The following EFL1 variants were observed in gnomAD, a reference collection of about 807,000 sequenced individuals.
EFL1 encodes elongation factor-like GTPase 1.
In EFL1, 76 loss-of-function variants were observed where a neutral mutation model predicts 126.7. That is an observed-to-expected ratio of 0.60 (90% CI 0.50 to 0.73). The LOEUF (loss-of-function observed/expected upper bound fraction) is 0.73. EFL1 is among the 30% of genes least tolerant of loss of function. The pLI is 0.00. For missense variants in EFL1, 1,128 were observed against 1,343.2 expected (o/e 0.84, Z 2.50); for synonymous variants, 410 against 448.4 (o/e 0.91, Z 1.08).
chr15:82,256,522 A>C (rs1038131063), intron 3 of EFL1, among the ~76,000 whole-genome samples: 3 of 152,200 alleles, frequency 2.0e-5, no homozygotes, highest in African/African-American at 7.2e-5. Flanking sequence ...AGAAGTTATA[A>C]CACAATGAGC....
At chr15:82,197,744 A>G (rs1395051734) in intron 15 of EFL1, among the ~76,000 whole-genome samples, 5 of 152,192 alleles carry the variant, frequency 3.3e-5, no homozygotes, top group Non-Finnish European at 7.3e-5. Flanking sequence ...AAAAAGGGCC[A>G]AAATAAATTT....
At position 82,261,209 on chromosome 15, in the gene EFL1, C is replaced by T. The variant is rs559003362; in HGVS notation, c.91+479G>A. ...CTAGTTCTCCCAACCTTAGAGTCTA[C>T]TTTTTTCTCTTGTTTGTCTCATTTT... On this transcript the variant is annotated intron_variant, in intron 2 of 19. Transcript: ENST00000268206. Among the ~76,000 whole-genome samples the T allele has an allele frequency of 3.3e-5, 5 of 151,030 alleles. No individual in the cohort carries two copies. The South Asian group carries it at 1.0e-3, about 32-fold the overall frequency.
At chr15:82,240,350 C>T in intron 6 of EFL1, 68 bp downstream of exon 6, 1 of 1,474,250 alleles carries the variant, frequency 6.8e-7, no homozygotes, top group Non-Finnish European at 9.2e-7. Flanking sequence ...CGGCTCATAC[C>T]CAGCTCAGTA....
Position 82,151,415 on chromosome 15 carries a change from T to C in EFL1, c.2989+50A>G, listed in dbSNP as rs761782383. 3.4e-5 allele frequency: 51 copies of C among 1,511,388 alleles called. No individual in the cohort carries two copies. In the Middle Eastern group the frequency reaches 7.1e-4, roughly 21 times the overall value. The allele number at this position is 1,511,388 out of a possible 1,614,324, so 93.6% of individuals were successfully genotyped here. On this transcript the variant is annotated intron_variant, in intron 18 of 19. Coordinates refer to ENST00000268206, the MANE Select transcript of EFL1 (RefSeq NM_024580.6). ...AAACAAGATTTTGAGTCTAGGAGAC[T>C]TCACTGTTATTCAGGGCATTTCTCA...
chr15:82,138,514 T>C, intron 19 of EFL1, 144 bp downstream of exon 19: 1 of 836,042 alleles, frequency 1.2e-6, no homozygotes. Flanking sequence ...AAAAAGCCAT[T>C]TGCTTTCTCC....
rs564172316 is a variant in EFL1 at position 82,223,454 on chromosome 15, A to G, written c.1292+1711T>C. Among the ~76,000 whole-genome samples the G allele has an allele frequency of 5.9e-5, 9 of 152,316 alleles. No homozygotes were observed. The South Asian group carries it at 1.9e-3, about 32-fold the overall frequency. ...GAATGGATTGCACTATCAGAAATAT[A>G]CTAAAATCAGAAAAGCATATGATGA... On this transcript the variant is annotated intron_variant, in intron 12 of 19. Transcript: ENST00000268206.
At chr15:82,224,972 C>T (rs2074746611) in intron 12 of EFL1, among the ~76,000 whole-genome samples, 193 bp downstream of exon 12, 1 of 152,206 alleles carries the variant, frequency 6.6e-6, no homozygotes, top group Non-Finnish European at 1.5e-5. Flanking sequence ...ATTTCAACAA[C>T]TTTCTCCTAC....
intron 4 of EFL1, among the ~76,000 whole-genome samples, chr15:82,249,850 A>G (rs1349443810): frequency 3.3e-5 from 5 of 152,110 alleles, no homozygotes; most frequent in Non-Finnish European, 7.3e-5. Context: ...GGTTTTCAAC[A>G]CCACTTCTAT....
intron 18 of EFL1, among the ~76,000 whole-genome samples, chr15:82,141,207 C>T (rs1240049750): frequency 1.3e-5 from 2 of 152,114 alleles, no homozygotes; most frequent in Non-Finnish European, 2.9e-5. Context: ...AAAAACAATA[C>T]TTCAAGTATA....
chr15:82,151,635 T>G lies in EFL1; in HGVS notation c.2819A>C (p.Lys940Thr). The change falls in exon 18 of 20, where the codon AAG (lysine) becomes ACG (threonine). Residue 940 changes from lysine (K) to threonine (T), a missense_variant. Around this residue, in one of 6 missense-constraint regions of EFL1, gnomAD observed 561 missense variants for 641.7 expected, o/e 0.87. Coordinates refer to ENST00000268206, the MANE Select transcript of EFL1 (RefSeq NM_024580.6). ...AGATTCTCCTTTCTGTGATGTCCTC[T>G]TCTCAAAGGCCTCAGAGCAGCCATC... ...LQDGCSEAFE[K>T]RTSQKGESPL... The G allele has an allele frequency of 1.9e-6, 3 of 1,614,170 alleles. No homozygotes were observed. The highest frequency in any genetic ancestry group is 2.5e-6 in the Non-Finnish European group (3 of 1,180,028).
At chr15:82,211,618 ACT>A (rs1555429494) in intron 15 of EFL1, among the ~76,000 whole-genome samples, 5 of 146,428 alleles carry the variant, frequency 3.4e-5, no homozygotes, top group African/African-American at 5.0e-5. Flanking sequence ...ACACACACAC[ACT>A]AGACTCTCTG....
chr15:82,168,150 A>C (rs2141246811), intron 15 of EFL1, among the ~76,000 whole-genome samples: 1 of 152,332 alleles, frequency 6.6e-6, no homozygotes, highest in Non-Finnish European at 1.5e-5. Context: ...TGGATACCAA[A>C]GCAGCTCATA....
In EFL1 at chr15:82,214,813, C is replaced by T. The variant is rs759873970; in HGVS notation, c.1654G>A (p.Val552Ile). 1.9e-6 allele frequency: 3 copies of T among 1,587,626 alleles called. No individual in the cohort carries two copies. The highest frequency in any genetic ancestry group is 4.5e-5 in the East Asian group (2 of 44,722). The change falls in exon 15 of 20, where the codon GTC becomes ATC. Residue 552 changes from valine to isoleucine, a missense_variant. Physicochemically the swap from Val to Ile is conservative, Grantham distance 29. Around this residue, in one of 6 missense-constraint regions of EFL1, gnomAD observed 120 missense variants for 142.1 expected, o/e 0.84. Coordinates refer to ENST00000268206, the MANE Select transcript of EFL1 (RefSeq NM_024580.6). Reference protein sequence around the residue: ...FSAPPDGLPQVPHMAYCALEN... With the variant: ...FSAPPDGLPQIPHMAYCALEN... ...AGAGCACAGTATGCCATGTGGGGGA[C>T]TTGGGGGAGGCCATCTGGTGGAGCT...
chr15:82,191,941 CTAAAACACATGTTAACAG>C (rs2074364318), intron 15 of EFL1, among the ~76,000 whole-genome samples: 2 of 152,098 alleles, frequency 1.3e-5, no homozygotes, highest in African/African-American at 4.8e-5. Flanking sequence ...ATCTTAGACT[CTAAAACACATGTTAACAG>C]AGTGAAATTT....
chr15:82,201,471 G>C (rs2074467139), intron 15 of EFL1, among the ~76,000 whole-genome samples: 1 of 152,152 alleles, frequency 6.6e-6, no homozygotes, highest in African/African-American at 2.4e-5. Flanking sequence ...GTGTTCCAGG[G>C]AAGAATCTAC....
intron 15 of EFL1, among the ~76,000 whole-genome samples, chr15:82,211,431 C>G (rs2074584017): frequency 6.6e-6 from 1 of 151,242 alleles, no homozygotes; most frequent in Admixed American, 6.6e-5. Flanking sequence ...GAGGCTTAGG[C>G]AGAAGAATCG....
In EFL1 at chr15:82,238,322, T is replaced by G; in HGVS notation, c.716A>C (p.Asp239Ala). 1 of 1,614,104 alleles carries G rather than the reference T, an allele frequency of 6.2e-7. No homozygotes were observed. Among genetic ancestry groups the G allele is most frequent in the South Asian group, 1.1e-5 (1 of 91,074 alleles). The change falls in exon 7 of 20, where the codon GAT becomes GCT. Residue 239 changes from aspartate (D) to alanine (A), a missense_variant. Asp to Ala is a moderately radical substitution (Grantham distance 126). This residue lies in a region of EFL1 where 316 missense variants were observed against 318.5 expected (regional missense o/e 0.99). Coordinates refer to ENST00000268206, the MANE Select transcript of EFL1 (RefSeq NM_024580.6). Reference sequence around the variant, plus strand: ...ACAGACTTACCCAAAGCCCCACCCATCTATTGCACTGGTAAACACCACATT... The same window carrying G: ...ACAGACTTACCCAAAGCCCCACCCAGCTATTGCACTGGTAAACACCACATT... The part of the protein sequence containing the change: ...QGNVVFTSAI[D>A]GWGFGIEHFA...
rs945925672 is a variant in EFL1, at chr15:82,225,231, G to A, written c.1226C>T (p.Pro409Leu). 1 of 1,611,144 alleles carries A rather than the reference G, an allele frequency of 6.2e-7. No homozygotes were observed. The highest frequency in any genetic ancestry group is 8.5e-7 in the Non-Finnish European group (1 of 1,179,128). The part of the protein sequence containing the change: ...FMKCGSEDTA[P>L]VIIFVSKMFA... ...CATTTTGGAAACAAATATAATAACT[G>A]GAGCAGTGTCCTCACTTCCACATTT... The change falls in exon 12 of 20, where the codon CCA becomes CTA. Residue 409 changes from proline (P) to leucine (L), a missense_variant. Pro to Leu is a moderately conservative substitution (Grantham distance 98). This residue lies in a region of EFL1 where 316 missense variants were observed against 318.5 expected (regional missense o/e 0.99). Transcript: ENST00000268206.
rs1446774290 is a variant in EFL1 at position 82,220,097 on chromosome 15, T to C, written c.1425A>G (p.Pro475=). Residue 475 remains proline, a synonymous_variant, in exon 13 of 20, where the codon CCA becomes CCG. Transcript: ENST00000268206. ...CTATACCTCTTGGCTCCTCTCCTTT[T>C]GGACATGTTTCAATGGCACTCCCAT... The part of the protein sequence containing the change: ...TQDGSAIETC[P]KGEEPRGDEQ... 6.2e-7 allele frequency: 1 copy of C among 1,609,938 alleles called. No homozygotes were observed. The highest frequency in any genetic ancestry group is 2.2e-5 in the East Asian group (1 of 44,870).
Sources: allele counts gnomAD v4.1 joint callset (sites outside exome capture counted in the v4.1 genomes callset), GRCh38; gene constraint gnomAD v4.1.1; regional missense constraint gnomAD v4.1.1; transcripts MANE v1.5; gene names NCBI Gene and HGNC (gene_info 2026-07-23, HGNC 2026-07-21).